CCNG1: variants seen among roughly 807,000 people sequenced by gnomAD.
CCNG1 encodes the protein cyclin-G1.
Under a neutral mutation model 30.0 loss-of-function variants are expected in CCNG1, and 13 were observed. That is an observed-to-expected ratio of 0.43 (90% CI 0.28 to 0.69). The LOEUF (loss-of-function observed/expected upper bound fraction) is 0.69. Ranked by LOEUF, CCNG1 falls within the 30% of genes least tolerant of loss-of-function variation. The pLI is 0.16. For synonymous variants in CCNG1, 110 were observed against 121.5 expected, an observed-to-expected ratio of 0.91 and a Z score of 0.62; for missense variants, 285 against 331.4, an observed-to-expected ratio of 0.86 and a Z score of 1.09.
chr5:163,456,389 C>A, the CCNG1 span, among the ~76,000 whole-genome samples: 13 of 152,062 alleles, frequency 8.5e-5, no homozygotes, highest in Admixed American at 5.2e-4. Context: ...GATGACACAT[C>A]CAAACTACAG....
At chr5:163,457,457 C>A in the CCNG1 span, 1 of 748,856 alleles carries the variant, frequency 1.3e-6, no homozygotes. Context: ...ATTTCTATTG[C>A]TTTATCTTTC....
Position 163,444,891 on chromosome 5 carries a change from G to A in CCNG1, c.*1221G>A, listed in dbSNP as rs1229964311. 6.6e-6 allele frequency: 1 copy of A among 152,558 alleles called. No homozygotes were observed. The highest frequency in any genetic ancestry group is 2.4e-5 in the African/African-American group (1 of 41,418). The allele number at this position is 152,558 out of a possible 1,614,324, so 9.5% of individuals were successfully genotyped here. A position where few individuals can be genotyped will look rare whatever the true frequency, so the allele number is the denominator to read the frequency against. ...GGGTAACTTTTTAGTTTTCCCAAAA[G>A]GCTGATAAATTTCAATATTTTGAAT... On this transcript the variant is annotated 3_prime_UTR_variant, in exon 7 of 7. Coordinates refer to ENST00000340828, the MANE Select transcript of CCNG1 (RefSeq NM_004060.4).
chr5:163,443,419 T>C (rs772982129), intron 6 of CCNG1, among the ~76,000 whole-genome samples: 2 of 152,160 alleles, frequency 1.3e-5, no homozygotes, highest in Non-Finnish European at 2.9e-5. Context: ...ATCATTGCTA[T>C]AGCAGCTGGA....
chr5:163,443,570 T>C (rs1209317680), intron 6 of CCNG1, 104 bp from the exon 7 acceptor site: 2 of 653,122 alleles, frequency 3.1e-6, no homozygotes, highest in Admixed American at 5.2e-5. Context: ...TACATCTACA[T>C]GTGATTATGA....
chr5:163,453,394 T>G, the CCNG1 span: 7 of 152,284 alleles, frequency 4.6e-5, no homozygotes, highest in African/African-American at 1.7e-4. Flanking sequence ...ATTGTTAGGG[T>G]TTTAACTATT....
chr5:163,440,026 G>A (rs915954997), intron 2 of CCNG1, among the ~76,000 whole-genome samples: 3 of 151,234 alleles, frequency 2.0e-5, no homozygotes, highest in Non-Finnish European at 4.4e-5. Flanking sequence ...TCTGAAGGAG[G>A]AGCAACTATT....
chr5:163,439,333 G>A lies in CCNG1; in HGVS notation c.77G>A (p.Arg26Lys). ...AATGCCCTGTTGGAACAGGAGTCTA[G>A]ATGTCAGCCAAAGGTCTGTGGTTTG... Reference protein sequence around the residue: ...QLNALLEQESRCQPKVCGLRL... With the variant: ...QLNALLEQESKCQPKVCGLRL... The change falls in exon 2 of 7, where the codon AGA becomes AAA. Residue 26 changes from arginine (R) to lysine (K), a missense_variant. Arg to Lys is a conservative substitution (Grantham distance 26, BLOSUM62 2). Transcript: ENST00000340828. The A allele has an allele frequency of 6.2e-7, 1 of 1,614,160 alleles. No homozygotes were observed.
At chr5:163,455,111 G>A in the CCNG1 span, among the ~76,000 whole-genome samples, 209 of 151,440 alleles carry the variant, frequency 1.4e-3, 2 homozygotes, top group Middle Eastern at 6.8e-3. Context: ...TTTGCCAACC[G>A]CTGATGTCGT....
At chr5:163,453,912 T>A in the CCNG1 span, 1 of 930,034 alleles carries the variant, frequency 1.1e-6, no homozygotes. Flanking sequence ...AATCTGTTTA[T>A]CTGATTAAGT....
Position 163,441,281 on chromosome 5 carries a change from A to T in CCNG1, c.468A>T (p.Gln156His). 1 of 1,614,024 alleles carries T rather than the reference A, an allele frequency of 6.2e-7. No individual in the cohort carries two copies. Among genetic ancestry groups the T allele is most frequent in the Non-Finnish European group, 8.5e-7 (1 of 1,179,894 alleles). Residue 156 changes from glutamine (Q) to histidine (H), a missense_variant, in exon 3 of 7, where the codon CAA (glutamine) becomes CAT (histidine). Gln to His is a conservative substitution (Grantham distance 24, BLOSUM62 0). Transcript: ENST00000340828. ...AAGTCAAAGCTACTACTGCCTTTCA[A>T]TTTCTGCAACTGTATTATTCACTCC... ...CWKVKATTAF[Q>H]FLQLYYSLLQ...
the CCNG1 span, among the ~76,000 whole-genome samples, chr5:163,456,057 T>C: frequency 1.4e-4 from 22 of 152,132 alleles, no homozygotes; most frequent in Admixed American, 1.2e-3. Flanking sequence ...AAAACAAATA[T>C]GGAAGGATGT....
chr5:163,439,418 T>C lies in CCNG1; in HGVS notation c.162T>C (p.Phe54=). The C allele has an allele frequency of 1.2e-6, 2 of 1,614,122 alleles. No individual in the cohort carries two copies. Among genetic ancestry groups the C allele is most frequent in the Non-Finnish European group, 8.5e-7 (1 of 1,179,958 alleles). Residue 54 remains phenylalanine, a synonymous_variant, in exon 2 of 7, where the codon TTT becomes TTC. Transcript: ENST00000340828. The stretch of plus-strand genomic sequence containing the variant: ...GAATGACTGCAAGACTAAGGGACTT[T>C]GAAGTAAAAGATCTTCTTAGTCTAA... ...GLRMTARLRD[F]EVKDLLSLTQ...
intron 2 of CCNG1, among the ~76,000 whole-genome samples, chr5:163,440,689 A>G (rs180945337): frequency 3.3e-5 from 5 of 152,340 alleles, no homozygotes; most frequent in Admixed American, 6.5e-5. Flanking sequence ...AAAATACAAC[A>G]TCCTGCAAAG....
the CCNG1 span, among the ~76,000 whole-genome samples, chr5:163,455,535 G>A: frequency 1.3e-5 from 2 of 152,112 alleles, no homozygotes; most frequent in African/African-American, 2.4e-5. Flanking sequence ...AGGCCAAGGC[G>A]GGCGGATCAC....
At chr5:163,450,125 G>C (rs1423707372), downstream of CCNG1, 1 of 152,236 alleles carries the variant, frequency 6.6e-6, no homozygotes, top group African/African-American at 2.4e-5. Context: ...GCTGGGAGTG[G>C]TGGTGCACAC....
the CCNG1 span, chr5:163,452,626 TA>T: frequency 6.6e-6 from 1 of 152,194 alleles, no homozygotes; most frequent in Non-Finnish European, 1.5e-5. Flanking sequence ...TAAAAATAAC[TA>T]CAGTGGAGAA....
the CCNG1 span, chr5:163,457,602 G>A: frequency 1.0e-5 from 16 of 1,583,016 alleles, no homozygotes; most frequent in Admixed American, 1.7e-5. Flanking sequence ...TAGAATCAAA[G>A]AGTTTGCCCT....
chr5:163,441,757 A>T, intron 3 of CCNG1, 129 bp from the exon 4 acceptor site: 1 of 628,010 alleles, frequency 1.6e-6, no homozygotes, highest in Non-Finnish European at 2.8e-6. Flanking sequence ...AATTCCTTTC[A>T]ATAGTTCATT....
At chr5:163,439,673 C>T (rs1322940979) in intron 2 of CCNG1, 153 bp downstream of exon 2, 3 of 628,486 alleles carry the variant, frequency 4.8e-6, no homozygotes, top group African/African-American at 1.8e-5. Flanking sequence ...TATTTCTTAT[C>T]ATAATCAAGA....
Sources: gnomAD v4.1 joint callset for allele counts (sites outside exome capture counted in the v4.1 genomes callset) on GRCh38, gnomAD v4.1.1 for gene constraint, MANE v1.5 for transcripts, NCBI Gene and HGNC (gene_info 2026-07-23, HGNC 2026-07-21) for gene names.